Variants in B3GALT1 observed in about 807,000 individuals in gnomAD.
The protein encoded by B3GALT1 is UDP-Gal:betaGlcNAc beta 1,3-galactosyltransferase, polypeptide 1.
In B3GALT1, 10 loss-of-function variants were observed where a neutral mutation model predicts 23.2. The ratio of observed to expected loss-of-function variants is 0.43; its 90% CI spans 0.27 to 0.73. The LOEUF (loss-of-function observed/expected upper bound fraction) is 0.73. Ranked by LOEUF, B3GALT1 falls within the 30% of genes least tolerant of loss-of-function variation. B3GALT1 has a pLI of 0.21. For synonymous variants in B3GALT1, 156 were observed against 141.5 expected (o/e 1.10, Z -0.73); for missense variants, 299 against 405.4 (o/e 0.74, Z 2.25).
intron 2 of B3GALT1, among the ~76,000 whole-genome samples, chr2:167,645,532 T>C (rs896139947): frequency 6.7e-6 from 1 of 149,308 alleles, no homozygotes. Flanking sequence ...ACACTTGTTC[T>C]ACCCTTGGCC....
intron 3 of B3GALT1, among the ~76,000 whole-genome samples, chr2:167,692,778 A>G (rs1029268890): frequency 2.0e-5 from 3 of 152,128 alleles, no homozygotes; most frequent in Non-Finnish European, 4.4e-5. Context: ...ACTCAGTAAC[A>G]TAACTACAAA....
intron 1 of B3GALT1, among the ~76,000 whole-genome samples, chr2:167,401,304 A>T (rs1403902): frequency 0.12 from 17,752 of 152,064 alleles, 1,264 homozygotes; most frequent in East Asian, 0.37. Flanking sequence ...GCTCAATTGG[A>T]GTTTGAAGAA....
intron 2 of B3GALT1, among the ~76,000 whole-genome samples, chr2:167,561,078 TA>T (rs1393270124): frequency 2.6e-5 from 4 of 151,996 alleles, no homozygotes; most frequent in Non-Finnish European, 5.9e-5. Context: ...TCAGCAAATG[TA>T]AAAGAACAGA....
chr2:167,324,317 A>T (rs150204991), intron 1 of B3GALT1, among the ~76,000 whole-genome samples: 2 of 152,010 alleles, frequency 1.3e-5, no homozygotes, highest in Admixed American at 6.6e-5. Flanking sequence ...AGGTATATAG[A>T]TAGAAAATCT....
intron 3 of B3GALT1, among the ~76,000 whole-genome samples, chr2:167,787,333 A>G (rs1030183618): frequency 3.9e-5 from 6 of 152,224 alleles, no homozygotes; most frequent in African/African-American, 9.6e-5. Flanking sequence ...GTACTAAAAC[A>G]TGATAGCTCC....
intron 3 of B3GALT1, among the ~76,000 whole-genome samples, chr2:167,790,786 G>A (rs1377484742): frequency 6.6e-6 from 1 of 151,936 alleles, no homozygotes; most frequent in Non-Finnish European, 1.5e-5. Context: ...TGTCTAATTT[G>A]CCATTTATTG....
chr2:167,601,035 A>G (rs972947736), intron 2 of B3GALT1, among the ~76,000 whole-genome samples: 1 of 151,902 alleles, frequency 6.6e-6, no homozygotes, highest in African/African-American at 2.4e-5. Flanking sequence ...TGACTTCTGT[A>G]AAGAACAACT....
At chr2:167,709,271 C>T (rs1687015089) in intron 3 of B3GALT1, among the ~76,000 whole-genome samples, 1 of 152,228 alleles carries the variant, frequency 6.6e-6, no homozygotes, top group Non-Finnish European at 1.5e-5. Context: ...CCAGAGTCTG[C>T]AGCAGTGCTT....
chr2:167,737,736 G>T (rs1687514492), intron 3 of B3GALT1, among the ~76,000 whole-genome samples: 1 of 152,216 alleles, frequency 6.6e-6, no homozygotes, highest in African/African-American at 2.4e-5. Context: ...ATTCTCTGTT[G>T]TATTTCCTCA....
chr2:167,627,908 G>T (rs972435338), intron 2 of B3GALT1, among the ~76,000 whole-genome samples: 5 of 151,542 alleles, frequency 3.3e-5, no homozygotes, highest in Non-Finnish European at 5.9e-5. Context: ...TAGGTGTGTG[G>T]TGGTATCTCA....
In B3GALT1 at chr2:167,351,574, G is replaced by T. The variant is rs538490823; in HGVS notation, c.-511+58240G>T. On this transcript the variant is annotated intron_variant, in intron 1 of 4. Transcript: ENST00000392690. ...GATGTGGTGTAGCAAAGCAACTAAA[G>T]TACACAAGTGTGTGTAGAGGAGTGG... is the stretch of plus-strand genomic sequence containing the variant. 1.1e-4 allele frequency among the ~76,000 whole-genome samples: 17 copies of T among 152,312 alleles called. No homozygotes were observed. The South Asian group carries it at 2.9e-3, about 26-fold the overall frequency.
At chr2:167,739,997 G>C (rs146357865) in intron 3 of B3GALT1, among the ~76,000 whole-genome samples, 4,296 of 151,408 alleles carry the variant, frequency 0.028, 90 homozygotes, top group Non-Finnish European at 0.047. Context: ...TATTTGGGAG[G>C]CTGAGGTGGG....
intron 3 of B3GALT1, among the ~76,000 whole-genome samples, chr2:167,727,478 A>G (rs1390814392): frequency 1.3e-5 from 2 of 152,308 alleles, no homozygotes; most frequent in East Asian, 1.9e-4. Context: ...ACCACAGTCC[A>G]TCTTCTGATT....
intron 2 of B3GALT1, among the ~76,000 whole-genome samples, chr2:167,492,533 G>C (rs563201438): frequency 6.6e-6 from 1 of 152,282 alleles, no homozygotes; most frequent in East Asian, 1.9e-4. Context: ...AGACAGTGTA[G>C]TTTCATAAGG....
intron 2 of B3GALT1, among the ~76,000 whole-genome samples, chr2:167,501,412 A>G (rs1393791941): frequency 4.6e-5 from 7 of 151,964 alleles, no homozygotes; most frequent in African/African-American, 1.4e-4. Flanking sequence ...AAGATGTTCA[A>G]TTGCAATTCC....
intron 3 of B3GALT1, among the ~76,000 whole-genome samples, chr2:167,648,668 G>C (rs1685799860): frequency 1.3e-5 from 2 of 152,038 alleles, no homozygotes; most frequent in South Asian, 4.1e-4. Context: ...GTGGCATTTT[G>C]TTTAGCCATC....
chr2:167,684,779 G>A (rs563001430), intron 3 of B3GALT1, among the ~76,000 whole-genome samples: 1 of 152,290 alleles, frequency 6.6e-6, no homozygotes, highest in South Asian at 2.1e-4. Context: ...AGAAAGAAAA[G>A]GTAACTCGTA....
At chr2:167,676,764 T>G (rs2105488876) in intron 3 of B3GALT1, among the ~76,000 whole-genome samples, 1 of 152,234 alleles carries the variant, frequency 6.6e-6, no homozygotes, top group African/African-American at 2.4e-5. Context: ...CTCGAACTCC[T>G]GGCCTCAAGT....
chr2:167,611,266 GT>G (rs564840625), intron 2 of B3GALT1, among the ~76,000 whole-genome samples: 197 of 152,026 alleles, frequency 1.3e-3, no homozygotes, highest in African/African-American at 4.0e-3. Context: ...TATTGCCTAT[GT>G]AGAATAATTC....
Sources: allele counts gnomAD v4.1 joint callset (sites outside exome capture counted in the v4.1 genomes callset), GRCh38; gene constraint gnomAD v4.1.1; transcripts MANE v1.5; gene names NCBI Gene and HGNC (gene_info 2026-07-23, HGNC 2026-07-21).